Variants in ASXL3 observed in about 807,000 individuals in gnomAD.
ASXL3 encodes the protein ASXL transcriptional regulator 3.
A neutral mutation model predicts 170.6 loss-of-function variants in ASXL3; 34 were observed. The ratio of observed to expected loss-of-function variants is 0.20; its 90% confidence interval spans 0.15 to 0.27. The LOEUF (loss-of-function observed/expected upper bound fraction) is 0.27. Ranked by LOEUF, ASXL3 falls within the 10% of genes least tolerant of loss-of-function variation. The pLI is 1.00. For missense variants in ASXL3, 2,592 were observed against 2,695.3 expected, an observed-to-expected ratio of 0.96 and a Z score of 0.85; for synonymous variants, 1,002 against 989.1, an observed-to-expected ratio of 1.01 and a Z score of -0.24.
intron 8 of ASXL3, among the ~76,000 whole-genome samples, chr18:33,714,599 T>C (rs1172166142): frequency 6.6e-6 from 1 of 152,172 alleles, no homozygotes; most frequent in African/African-American, 2.4e-5. Flanking sequence ...TGCTCTCGTA[T>C]TTCCCATAAG....
At chr18:33,740,519 A>G (rs544093644) in intron 11 of ASXL3, 76 bp downstream of exon 11, 9 of 1,357,070 alleles carry the variant, frequency 6.6e-6, no homozygotes, top group Admixed American at 2.9e-5. Flanking sequence ...TTCAAGAGTA[A>G]TTAGATTTTC....
At position 33,739,860 on chromosome 18, in the gene ASXL3, C is replaced by T. The variant is rs2067625921; in HGVS notation, c.2456C>T (p.Ala819Val). 2 of 1,613,776 alleles carry T rather than the reference C, an allele frequency of 1.2e-6. No homozygotes were observed. Among genetic ancestry groups the T allele is most frequent in the Non-Finnish European group, 8.5e-7 (1 of 1,179,852 alleles). Residue 819 changes from alanine (A) to valine (V), a missense_variant, in exon 11 of 12, where the codon GCT becomes GTT. Ala to Val is a moderately conservative substitution (Grantham distance 64). This residue lies in a region of ASXL3 where 2,246 missense variants were observed against 2,219.6 expected (regional missense o/e 1.01). Coordinates refer to ENST00000269197, the MANE Select transcript of ASXL3 (RefSeq NM_030632.3). ...EPIIMSSSSI[A>V]PEAFPSEDLH... ...ATCATAATGAGTTCTTCTTCCATTG[C>T]TCCTGAAGCATTTCCGTCTGAAGAT...
At chr18:33,667,029 C>T (rs1030730797) in intron 5 of ASXL3, among the ~76,000 whole-genome samples, 13 of 152,144 alleles carry the variant, frequency 8.5e-5, no homozygotes, top group Admixed American at 6.5e-4. Context: ...TATATAGAGC[C>T]TGCACTGAGG....
Position 33,743,891 on chromosome 18 carries a change from A to G in ASXL3, c.4043A>G (p.Asn1348Ser). The change falls in exon 12 of 12, where the codon AAC becomes AGC. Residue 1348 changes from asparagine to serine, a missense_variant. Transcript: ENST00000269197. ...TCTGTGCCAACTCCCTCCATCGGAA[A>G]CAATTTGCCAAACCTCTCCACTAGC... is the stretch of plus-strand genomic sequence containing the variant. ...YTSVPTPSIG[N>S]NLPNLSTSSV... 2 of 1,614,024 alleles carry G rather than the reference A, an allele frequency of 1.2e-6. No homozygotes were observed. Among genetic ancestry groups the G allele is most frequent in the Non-Finnish European group, 1.7e-6 (2 of 1,179,892 alleles).
In ASXL3 at chr18:33,713,260, T is replaced by G. The variant is rs1437536407; in HGVS notation, c.880-18708T>G. 2.4e-4 allele frequency among the ~76,000 whole-genome samples: 28 copies of G among 116,126 alleles called. 3 individuals carry two copies. Among genetic ancestry groups the G allele is most frequent in the Admixed American group, 2.2e-3 (25 of 11,236 alleles). The allele number at this position is 116,126 out of a possible 152,430, so 76.2% of individuals were successfully genotyped here. ...TTTGTTTTGTTTTGTTTTTTTTTTTTTTTTTTTTTTTTTTGAGACAGGGTC... is the reference window on the plus strand; with the variant it reads ...TTTGTTTTGTTTTGTTTTTTTTTTTGTTTTTTTTTTTTTTGAGACAGGGTC... On this transcript the variant is annotated intron_variant, in intron 8 of 11. Coordinates refer to ENST00000269197, the MANE Select transcript of ASXL3 (RefSeq NM_030632.3).
At position 33,738,726 on chromosome 18, in the gene ASXL3, A is replaced by G. The variant is rs1417652497; in HGVS notation, c.1322A>G (p.Asp441Gly). ...ATAATGGCAGAATTGGAGTCAGAGG[A>G]TATCTTGATCCCTGAAGAATCTGTA... ...KDIMAELESE[D>G]ILIPEESVIQ... Residue 441 changes from aspartate to glycine, a missense_variant, in exon 11 of 12, where the codon GAT becomes GGT. By Grantham distance (94) the Asp-to-Gly change is moderately conservative (BLOSUM62 -1). Transcript: ENST00000269197. 1.2e-6 allele frequency: 2 copies of G among 1,613,946 alleles called. No individual in the cohort carries two copies. Among genetic ancestry groups the G allele is most frequent in the Non-Finnish European group, 8.5e-7 (1 of 1,179,864 alleles).
At chr18:33,612,899 G>C (rs2065359726) in intron 2 of ASXL3, among the ~76,000 whole-genome samples, 1 of 152,048 alleles carries the variant, frequency 6.6e-6, no homozygotes, top group African/African-American at 2.4e-5. Flanking sequence ...GGTCTAGTTT[G>C]TTTGTGTTGG....
chr18:33,689,294 A>T (rs2066650549), intron 8 of ASXL3, among the ~76,000 whole-genome samples: 1 of 152,218 alleles, frequency 6.6e-6, no homozygotes, highest in African/African-American at 2.4e-5. Context: ...GCGCTCAGCC[A>T]AAAGGTGTAT....
In ASXL3 at chr18:33,750,531, A is replaced by G. The variant is rs2145446882; in HGVS notation, c.*3936A>G. On this transcript the variant is annotated 3_prime_UTR_variant, in exon 12 of 12. Transcript: ENST00000269197. ...GAAACCTGATATGATACATATTTTC[A>G]GTAGTTTTTTTTTTTTAATGTGTGT... is the stretch of plus-strand genomic sequence containing the variant. 1 of 145,310 alleles carries G rather than the reference A, an allele frequency of 6.9e-6. No individual in the cohort carries two copies. The highest frequency in any genetic ancestry group is 2.2e-4 in the South Asian group (1 of 4,594). 9.0% of individuals were successfully genotyped at this position (145,310 alleles called of 1,614,324 possible).
intron 8 of ASXL3, among the ~76,000 whole-genome samples, chr18:33,727,482 CT>C (rs2067371190): frequency 6.6e-6 from 1 of 152,058 alleles, no homozygotes; most frequent in Non-Finnish European, 1.5e-5. Context: ...AAATGATATA[CT>C]TACCAAGAAA....
intron 8 of ASXL3, among the ~76,000 whole-genome samples, chr18:33,715,604 C>A (rs2067151745): frequency 6.6e-6 from 1 of 152,120 alleles, no homozygotes; most frequent in Admixed American, 6.6e-5. Context: ...TCTAAAACAT[C>A]ATATTTGTGT....
At position 33,617,297 on chromosome 18, in the gene ASXL3, G is replaced by A. The variant is rs144765272; in HGVS notation, c.137+9621G>A. Among the ~76,000 whole-genome samples, 48 of 152,168 alleles carry A rather than the reference G, an allele frequency of 3.2e-4. 1 individual carries two copies. In the East Asian group the frequency reaches 8.5e-3, roughly 27 times the overall value. ...GCTTAAGGTCAGGCCTTCAAGACCA[G>A]CCTGGCCAACACGGTGAAACCCATC... On this transcript the variant is annotated intron_variant, in intron 2 of 11. Transcript: ENST00000269197.
At chr18:33,718,613 T>C (rs1175004051) in intron 8 of ASXL3, among the ~76,000 whole-genome samples, 2 of 152,110 alleles carry the variant, frequency 1.3e-5, no homozygotes, top group Admixed American at 1.3e-4. Flanking sequence ...TGCAAGTTGC[T>C]GGCAGAATTC....
intron 4 of ASXL3, among the ~76,000 whole-genome samples, chr18:33,652,083 C>G (rs1162846994): frequency 1.3e-5 from 2 of 152,004 alleles, no homozygotes; most frequent in Non-Finnish European, 2.9e-5. Context: ...AGGTGAATTA[C>G]TTGATATATC....
chr18:33,603,638 A>G (rs2065209917), intron 1 of ASXL3, among the ~76,000 whole-genome samples: 1 of 152,022 alleles, frequency 6.6e-6, no homozygotes, highest in African/African-American at 2.4e-5. Context: ...GAAGGCAGCT[A>G]GTTGTGTGTT....
chr18:33,611,572 G>C (rs2065337354), intron 2 of ASXL3, among the ~76,000 whole-genome samples: 2 of 152,034 alleles, frequency 1.3e-5, no homozygotes, highest in Admixed American at 1.3e-4. Flanking sequence ...ATAATCAAAT[G>C]GCCATGCTGC....
At chr18:33,685,694 G>A (rs2066583046) in intron 8 of ASXL3, among the ~76,000 whole-genome samples, 1 of 152,172 alleles carries the variant, frequency 6.6e-6, no homozygotes, top group South Asian at 2.1e-4. Flanking sequence ...ATTTGCTTCT[G>A]ATGAGGGCCT....
At chr18:33,690,645 A>G (rs1301070996) in intron 8 of ASXL3, among the ~76,000 whole-genome samples, 2 of 152,112 alleles carry the variant, frequency 1.3e-5, no homozygotes, top group African/African-American at 4.8e-5. Flanking sequence ...GGTCCATTCT[A>G]GTTTTCTGTC....
chr18:33,665,021 C>T (rs1431279929), intron 5 of ASXL3, among the ~76,000 whole-genome samples: 1 of 152,010 alleles, frequency 6.6e-6, no homozygotes, highest in African/African-American at 2.4e-5. Flanking sequence ...TTACCTTGTT[C>T]CCTGTCTTCT....
Sources: allele counts gnomAD v4.1 joint callset (sites outside exome capture counted in the v4.1 genomes callset), GRCh38; gene constraint gnomAD v4.1.1; regional missense constraint gnomAD v4.1.1; transcripts MANE v1.5; gene names NCBI Gene and HGNC (gene_info 2026-07-23, HGNC 2026-07-21).